Variants in ZP3 observed in about 807,000 individuals in gnomAD.
The protein encoded by ZP3 is zona pellucida glycoprotein 3.
ZP3 carries 21 observed loss-of-function variants against 35.6 expected under a neutral mutation model. The ratio of observed to expected loss-of-function variants is 0.59; its 90% confidence interval spans 0.42 to 0.85. ZP3 has a LOEUF of 0.85. Ranked by LOEUF, ZP3 falls within the 40% of genes least tolerant of loss-of-function variation. ZP3 has a pLI of 0.00. For synonymous variants in ZP3, 207 were observed against 214.5 expected (o/e 0.96, Z 0.31); for missense variants, 437 against 536.5 (o/e 0.81, Z 1.83).
In ZP3 at chr7:76,413,998, C is replaced by CTTT. The variant is rs113488466; in HGVS notation, c.-66-11040_-66-11038dup. 5.7e-3 allele frequency among the ~76,000 whole-genome samples: 735 copies of CTTT among 128,800 alleles called. 8 individuals are homozygous for CTTT. The highest frequency in any genetic ancestry group is 0.021 in the African/African-American group (701 of 33,800). 84.5% of individuals were successfully genotyped at this position (128,800 alleles called of 152,430 possible). A position where few individuals can be genotyped will look rare whatever the true frequency, so the allele number is the denominator to read the frequency against. On this transcript the variant is annotated intron_variant, in intron 1 of 8. Transcript: ENST00000336517. The stretch of plus-strand genomic sequence containing the variant: ...GATTTTTCTTTCTTTCCTTCTTCTT[C>CTTT]TTTTTTTTTTTTTTTTGAGACAGAG...
intron 2 of ZP3, among the ~76,000 whole-genome samples, chr7:76,430,849 C>T (rs1359137589): frequency 2.0e-5 from 3 of 152,176 alleles, no homozygotes; most frequent in Admixed American, 6.5e-5. Context: ...GAACAGGATC[C>T]TGGAGTGGGG....
intron 1 of ZP3, chr7:76,428,598 G>C (rs1805739633): frequency 6.6e-6 from 1 of 152,296 alleles, no homozygotes; most frequent in Non-Finnish European, 1.5e-5. Context: ...TGCTCTTCCT[G>C]CCTCAGGCAA....
chr7:76,440,778 G>T lies in ZP3; in HGVS notation c.1060+167G>T, dbSNP rs537597272. On this transcript the variant is annotated intron_variant, in intron 7 of 7. Transcript: ENST00000394857. ...ACAAATCTTGGGGTTAAGCAGGAGG[G>T]GCTCTCAGCCTTCCACCTCGGTGGC... 5.9e-5 allele frequency among the ~76,000 whole-genome samples: 9 copies of T among 151,534 alleles called. No homozygotes were observed. In the East Asian group the frequency reaches 1.7e-3, roughly 29 times the overall value.
At chr7:76,405,323 T>TTTTTCTTTCTTTCTTTCTTTC (rs1563687069) in intron 1 of ZP3, among the ~76,000 whole-genome samples, 1 of 29,174 alleles carries the variant, frequency 3.4e-5, no homozygotes, top group Non-Finnish European at 5.9e-5. Context: ...ATATGTATTT[T>TTTTTCTTTCTTTCTTTCTTTC]TTTCTTTCTT....
chr7:76,435,637 T>C (rs1351383388), intron 5 of ZP3, among the ~76,000 whole-genome samples: 1 of 152,270 alleles, frequency 6.6e-6, no homozygotes, highest in Non-Finnish European at 1.5e-5. Context: ...TAGGGCATGG[T>C]GTCACATTTT....
chr7:76,431,496 G>T (rs985040829), intron 2 of ZP3, among the ~76,000 whole-genome samples: 4 of 152,078 alleles, frequency 2.6e-5, no homozygotes, highest in African/African-American at 9.7e-5. Context: ...GGGTTAGCAG[G>T]GTAGGTATCT....
chr7:76,423,902 A>C (rs2115877424), upstream of ZP3, among the ~76,000 whole-genome samples: 1 of 151,502 alleles, frequency 6.6e-6, no homozygotes, highest in East Asian at 1.9e-4. Flanking sequence ...GCTGAAGCCA[A>C]GCCCCGCTTC....
chr7:76,400,462 C>T lies in ZP3; in HGVS notation c.-67+2665C>T, dbSNP rs748331950. 3.7e-6 allele frequency: 6 copies of T among 1,608,444 alleles called. No homozygotes were observed. In the African/African-American group the frequency reaches 6.7e-5, roughly 18 times the overall value. Reference sequence around the variant, plus strand: ...TGGCACGGGCAGTGCCAGGCCACAGCCCAGCTGGCGACACACTACGTTGGC... The same window carrying T: ...TGGCACGGGCAGTGCCAGGCCACAGTCCAGCTGGCGACACACTACGTTGGC... On this transcript the variant is annotated intron_variant, in intron 1 of 8. Transcript: ENST00000336517.
At position 76,413,062 on chromosome 7, in the gene ZP3, A is replaced by T. The variant is rs1371415761; in HGVS notation, c.-66-11990A>T. Among the ~76,000 whole-genome samples the T allele has an allele frequency of 2.7e-5, 4 of 146,242 alleles. No homozygotes were observed. The East Asian group carries it at 6.3e-4, about 23-fold the overall frequency. ...ACTGCAACCTGTGCCTCCTGGGTTC[A>T]AACGATTCTCCTCCTTCAGCCTCCC... On this transcript the variant is annotated intron_variant, in intron 1 of 8. Coordinates refer to the ZP3 transcript ENST00000336517.
intron 5 of ZP3, chr7:76,439,803 A>G (rs1806140785): frequency 5.4e-6 from 1 of 186,180 alleles, no homozygotes; most frequent in East Asian, 1.4e-4. Flanking sequence ...TTGCTCTAAC[A>G]TTGGGTAAGT....
chr7:76,408,988 A>T (rs1051933727), intron 1 of ZP3, among the ~76,000 whole-genome samples: 1 of 152,116 alleles, frequency 6.6e-6, no homozygotes, highest in African/African-American at 2.4e-5. Context: ...TTCGTGATCC[A>T]CTTACCCCTT....
exon 1 of ZP3, chr7:76,397,676 G>A: frequency 6.2e-7 from 1 of 1,613,360 alleles, no homozygotes; most frequent in Non-Finnish European, 8.5e-7. Flanking sequence ...GGTGGTGGCG[G>A]CCATGGCCGC....
At chr7:76,405,946 TTTCC>T (rs552015944) in intron 1 of ZP3, among the ~76,000 whole-genome samples, 23 of 150,766 alleles carry the variant, frequency 1.5e-4, no homozygotes, top group Non-Finnish European at 2.1e-4. Flanking sequence ...CCTCCCTTTC[TTTCC>T]TTCCTTCCTT....
At chr7:76,410,240 A>G (rs1466582407) in intron 1 of ZP3, among the ~76,000 whole-genome samples, 1 of 152,088 alleles carries the variant, frequency 6.6e-6, no homozygotes, top group East Asian at 1.9e-4. Context: ...CATGTTGGCC[A>G]GGATGGCCTT....
chr7:76,416,528 T>G (rs1396677541), intron 1 of ZP3, among the ~76,000 whole-genome samples: 1 of 150,636 alleles, frequency 6.6e-6, no homozygotes, highest in East Asian at 2.0e-4. Context: ...TATATATTAG[T>G]CAGGCAGGTG....
chr7:76,422,891 G>A (rs999168132), upstream of ZP3, among the ~76,000 whole-genome samples: 4 of 149,416 alleles, frequency 2.7e-5, no homozygotes, highest in South Asian at 2.1e-4. Context: ...CCAGCTACTC[G>A]GGAGGCTGAG....
At chr7:76,437,591 A>C (rs1342419608) in intron 5 of ZP3, among the ~76,000 whole-genome samples, 2 of 150,610 alleles carry the variant, frequency 1.3e-5, no homozygotes, top group Non-Finnish European at 2.9e-5. Flanking sequence ...GGTTCAAGCA[A>C]TTCTTCCATT....
chr7:76,415,158 G>A (rs1025272037), intron 1 of ZP3, among the ~76,000 whole-genome samples: 8 of 151,256 alleles, frequency 5.3e-5, no homozygotes, highest in Non-Finnish European at 5.9e-5. Flanking sequence ...GGCGGATCAC[G>A]TGAGGTCAGG....
At chr7:76,409,308 C>CTCTT (rs1454963330) in intron 1 of ZP3, 6 of 113,430 alleles carry the variant, frequency 5.3e-5, no homozygotes, top group African/African-American at 2.0e-4. Flanking sequence ...CTCTCTCTCT[C>CTCTT]TCTCTCTCTC....
Sources: gnomAD v4.1 joint callset for allele counts (sites outside exome capture counted in the v4.1 genomes callset) on GRCh38, gnomAD v4.1.1 for gene constraint, MANE v1.5 for transcripts, NCBI Gene and HGNC (gene_info 2026-07-23, HGNC 2026-07-21) for gene names.